The following STXBP5L variants were observed in gnomAD, a reference collection of about 807,000 sequenced individuals.
The protein encoded by STXBP5L is syntaxin binding protein 5L.
Under a neutral mutation model 144.5 loss-of-function variants are expected in STXBP5L, and 65 were observed. The ratio of observed to expected loss-of-function variants is 0.45; its 90% CI spans 0.37 to 0.55. STXBP5L has a LOEUF of 0.55. STXBP5L is among the 20% of genes least tolerant of loss of function. STXBP5L has a pLI of 0.00. For synonymous variants in STXBP5L, 505 were observed against 469.6 expected (o/e 1.08, Z -0.97); for missense variants, 1,298 against 1,405.5 (o/e 0.92, Z 1.22).
chr3:121,098,848 A>C lies in STXBP5L; in HGVS notation c.471-16077A>C, dbSNP rs115920173. 4.7e-3 allele frequency among the ~76,000 whole-genome samples: 720 copies of C among 152,258 alleles called. 6 individuals are homozygous for C. Among genetic ancestry groups the C allele is most frequent in the African/African-American group, 0.016 (678 of 41,540 alleles). On this transcript the variant is annotated intron_variant, in intron 5 of 26. Transcript: ENST00000471454. Reference sequence around the variant, plus strand: ...GAGCATCCACTTTACTCCCTTCAAAAGCCTCCAAGGAAGTTATTGTGAATT... The same window carrying C: ...GAGCATCCACTTTACTCCCTTCAAACGCCTCCAAGGAAGTTATTGTGAATT...
intron 22 of STXBP5L, among the ~76,000 whole-genome samples, chr3:121,396,075 C>T (rs1450950679): frequency 6.6e-6 from 1 of 152,250 alleles, no homozygotes; most frequent in Non-Finnish European, 1.5e-5. Context: ...TTTTTGTTAT[C>T]AGATCTCCCC....
chr3:121,335,959 A>G (rs2044490897), intron 20 of STXBP5L, among the ~76,000 whole-genome samples: 1 of 152,220 alleles, frequency 6.6e-6, no homozygotes, highest in Non-Finnish European at 1.5e-5. Flanking sequence ...CAGCAAAAGA[A>G]ACAATTAACA....
chr3:121,412,727 CAAAAAAAAAAA>C lies in STXBP5L; in HGVS notation c.2949-419_2949-409del, dbSNP rs35247157. Among the ~76,000 whole-genome samples, 111 of 69,614 alleles carry C rather than the reference CAAAAAAAAAAA, an allele frequency of 1.6e-3. 1 individual carries two copies. The highest frequency in any genetic ancestry group is 6.1e-3 in the African/African-American group (101 of 16,624). The allele number at this position is 69,614 out of a possible 152,430, so 45.7% of individuals were successfully genotyped here. On this transcript the variant is annotated intron_variant, in intron 23 of 26. Transcript: ENST00000471454. Reference sequence around the variant, plus strand: ...ATGAAAATAAAGTTGTTTCTCCCTCCAAAAAAAAAAAAAAAAAAAAAACAAAAGAAAAAGAA... The same window carrying C: ...ATGAAAATAAAGTTGTTTCTCCCTCCAAAAAAAAAAACAAAAGAAAAAGAA...
chr3:121,042,852 A>T (rs1481924271), intron 4 of STXBP5L, among the ~76,000 whole-genome samples: 2 of 151,962 alleles, frequency 1.3e-5, no homozygotes, highest in Non-Finnish European at 2.9e-5. Flanking sequence ...TGAGAAAGGA[A>T]GGTAAAGAAA....
chr3:121,107,631 G>A (rs1444663762), intron 5 of STXBP5L, among the ~76,000 whole-genome samples: 3 of 152,164 alleles, frequency 2.0e-5, no homozygotes, highest in Non-Finnish European at 2.9e-5. Context: ...GGTATAGCTT[G>A]AAGTTGGGTA....
chr3:121,313,896 A>G (rs1218228954), intron 19 of STXBP5L, among the ~76,000 whole-genome samples: 1 of 145,606 alleles, frequency 6.9e-6, no homozygotes, highest in Non-Finnish European at 1.5e-5. Context: ...GGCCGGGCAG[A>G]GACGCTCCTC....
chr3:121,264,457 T>C (rs1577330819), intron 18 of STXBP5L, among the ~76,000 whole-genome samples: 1 of 151,960 alleles, frequency 6.6e-6, no homozygotes, highest in East Asian at 1.9e-4. Flanking sequence ...AACTCCAAAG[T>C]AAGTCCCATA....
chr3:121,230,587 C>G (rs1225051643), intron 11 of STXBP5L, among the ~76,000 whole-genome samples: 1 of 152,004 alleles, frequency 6.6e-6, no homozygotes, highest in Non-Finnish European at 1.5e-5. Flanking sequence ...ATTTCTAAGT[C>G]AAACATGAAT....
chr3:121,072,141 A>C (rs984766963), intron 5 of STXBP5L, among the ~76,000 whole-genome samples: 33 of 152,222 alleles, frequency 2.2e-4, no homozygotes, highest in Non-Finnish European at 1.9e-4. Flanking sequence ...GTTCAAATTT[A>C]GGAATAATGT....
chr3:120,928,982 A>G (rs1364952681), intron 2 of STXBP5L, among the ~76,000 whole-genome samples: 1 of 152,190 alleles, frequency 6.6e-6, no homozygotes, highest in Non-Finnish European at 1.5e-5. Flanking sequence ...AAACGCAGGC[A>G]GAAGAGTGGG....
chr3:121,048,987 A>T (rs1048775882), intron 5 of STXBP5L, among the ~76,000 whole-genome samples: 1 of 152,196 alleles, frequency 6.6e-6, no homozygotes, highest in African/African-American at 2.4e-5. Flanking sequence ...CAACAGGAGC[A>T]AGGGCTGCAG....
At chr3:120,934,031 C>T (rs1193370232) in intron 2 of STXBP5L, among the ~76,000 whole-genome samples, 1 of 150,706 alleles carries the variant, frequency 6.6e-6, no homozygotes, top group Admixed American at 6.6e-5. Context: ...TTTTTTTTGC[C>T]CTTCGTATTC....
At chr3:121,026,847 T>TA (rs945979223) in intron 3 of STXBP5L, among the ~76,000 whole-genome samples, 2 of 151,534 alleles carry the variant, frequency 1.3e-5, no homozygotes. Context: ...AAAGTATTAT[T>TA]AAAAAATATA....
At chr3:120,989,662 C>T (rs191016804) in intron 3 of STXBP5L, among the ~76,000 whole-genome samples, 18 of 152,194 alleles carry the variant, frequency 1.2e-4, no homozygotes, top group Non-Finnish European at 2.1e-4. Context: ...CTCTTTCCCG[C>T]TCTACTAGTT....
At chr3:121,198,966 G>A (rs1205405431) in intron 9 of STXBP5L, among the ~76,000 whole-genome samples, 1 of 152,018 alleles carries the variant, frequency 6.6e-6, no homozygotes, top group African/African-American at 2.4e-5. Context: ...TTACCTATAC[G>A]GGTTATTTTT....
At chr3:121,323,150 C>T (rs183491683) in intron 20 of STXBP5L, among the ~76,000 whole-genome samples, 53 of 152,180 alleles carry the variant, frequency 3.5e-4, no homozygotes, top group African/African-American at 1.2e-3. Flanking sequence ...GTTTGTCTGT[C>T]CACCCTATTG....
chr3:121,237,051 C>T (rs1463453722), intron 12 of STXBP5L, among the ~76,000 whole-genome samples: 1 of 152,210 alleles, frequency 6.6e-6, no homozygotes, highest in African/African-American at 2.4e-5. Flanking sequence ...AGTCCTGTCC[C>T]CATGTTTTTG....
intron 9 of STXBP5L, chr3:121,158,106 T>C (rs1054061835): frequency 6.5e-6 from 1 of 152,780 alleles, no homozygotes; most frequent in Non-Finnish European, 1.5e-5. Flanking sequence ...GGTTTTACTT[T>C]TCTTATTGCC....
intron 20 of STXBP5L, among the ~76,000 whole-genome samples, chr3:121,338,120 G>A (rs1473985129): frequency 6.6e-6 from 1 of 151,860 alleles, no homozygotes; most frequent in Non-Finnish European, 1.5e-5. Flanking sequence ...AAACAAATTG[G>A]CAACCTAACA....
Sources: allele counts gnomAD v4.1 joint callset (sites outside exome capture counted in the v4.1 genomes callset), GRCh38; gene constraint gnomAD v4.1.1; transcripts MANE v1.5; gene names NCBI Gene and HGNC (gene_info 2026-07-23, HGNC 2026-07-21).